Variants in URI1 observed in about 807,000 individuals in gnomAD.
The protein encoded by URI1 is URI1 prefoldin like chaperone.
URI1 carries 39 observed loss-of-function variants against 60.2 expected under a neutral mutation model. That is an observed-to-expected ratio of 0.65 (90% CI 0.50 to 0.85). URI1 has a LOEUF of 0.85. URI1 is among the 40% of genes least tolerant of loss of function. The probability of loss-of-function intolerance (pLI) is 0.00; values close to 1 mark genes in which losing one functional copy is unlikely to be tolerated. For synonymous variants in URI1, 251 were observed against 236.8 expected (o/e 1.06, Z -0.55); for missense variants, 691 against 665.9 (o/e 1.04, Z -0.42).
Position 29,985,310 on chromosome 19 carries a change from G to A in URI1, c.231+9G>A. The A allele has an allele frequency of 6.2e-7, 1 of 1,601,692 alleles. No homozygotes were observed. On this transcript the variant is annotated intron_variant, in intron 3 of 10. Coordinates refer to ENST00000392271, the MANE Select transcript of URI1 (RefSeq NM_003796.3). Reference sequence around the variant, plus strand: ...TGTCTTATAATATAATGGTATGTTTGGTGTGTTTCTTTTAAAGTAATAGTT... The same window carrying A: ...TGTCTTATAATATAATGGTATGTTTAGTGTGTTTCTTTTAAAGTAATAGTT...
At chr19:29,979,778 A>AAT (rs558579940) in intron 2 of URI1, among the ~76,000 whole-genome samples, 85 of 152,304 alleles carry the variant, frequency 5.6e-4, no homozygotes, top group African/African-American at 1.8e-3. Context: ...TCCTTGGTAT[A>AAT]ATAGAGTTAT....
chr19:29,929,184 T>C (rs2054894998), intron 1 of URI1, among the ~76,000 whole-genome samples: 1 of 152,216 alleles, frequency 6.6e-6, no homozygotes, highest in South Asian at 2.1e-4. Context: ...ATGTTTGACT[T>C]TGTAAGAAAC....
intron 1 of URI1, chr19:29,956,985 T>C: frequency 1.2e-6 from 1 of 813,438 alleles, no homozygotes; most frequent in Non-Finnish European, 2.1e-6. Flanking sequence ...AGAATGGTCT[T>C]CATTCTCACA....
upstream of URI1, among the ~76,000 whole-genome samples, chr19:29,940,257 C>T (rs1480746185): frequency 1.3e-5 from 2 of 151,942 alleles, no homozygotes; most frequent in East Asian, 1.9e-4. Context: ...TCTAGGTGGT[C>T]TGGGGGGCTG....
chr19:29,951,768 G>A (rs553916189), intron 1 of URI1, among the ~76,000 whole-genome samples: 1 of 151,928 alleles, frequency 6.6e-6, no homozygotes, highest in South Asian at 2.1e-4. Flanking sequence ...GGCTGGTCTC[G>A]ATCTCCTGAC....
intron 2 of URI1, among the ~76,000 whole-genome samples, chr19:29,980,963 C>T (rs985181953): frequency 1.3e-4 from 19 of 148,008 alleles, no homozygotes; most frequent in African/African-American, 4.7e-4. Flanking sequence ...TTAGTATTTG[C>T]TGTCTATTTT....
intron 8 of URI1, among the ~76,000 whole-genome samples, chr19:30,010,809 T>C (rs902646500): frequency 6.6e-6 from 1 of 152,202 alleles, no homozygotes; most frequent in African/African-American, 2.4e-5. Context: ...ATGGGAAGTT[T>C]ATAAGAAATC....
chr19:29,929,954 T>C (rs1416840366), intron 1 of URI1, among the ~76,000 whole-genome samples: 1 of 151,834 alleles, frequency 6.6e-6, no homozygotes, highest in Non-Finnish European at 1.5e-5. Context: ...TTTTTTTTTT[T>C]TTTGAGACTG....
intron 1 of URI1, among the ~76,000 whole-genome samples, chr19:29,932,369 T>G (rs1227548506): frequency 6.6e-6 from 1 of 152,132 alleles, no homozygotes; most frequent in East Asian, 1.9e-4. Context: ...CAGGCTGGAG[T>G]GCAGTGGTGT....
At chr19:29,977,141 T>C (rs1379985003) in intron 2 of URI1, among the ~76,000 whole-genome samples, 1 of 151,988 alleles carries the variant, frequency 6.6e-6, no homozygotes, top group Non-Finnish European at 1.5e-5. Flanking sequence ...TCTCTCTTTT[T>C]TTTTTTTCCT....
chr19:29,973,365 A>G (rs531867690), intron 2 of URI1, among the ~76,000 whole-genome samples: 1 of 152,306 alleles, frequency 6.6e-6, no homozygotes, highest in East Asian at 1.9e-4. Context: ...GGTGTCTCAC[A>G]CACTACTTTT....
chr19:30,016,471 G>A lies in URI1; in HGVS notation c.*1402G>A, dbSNP rs187733084. 7.9e-5 allele frequency: 12 copies of A among 152,218 alleles called. No individual in the cohort carries two copies. Among genetic ancestry groups the A allele is most frequent in the African/African-American group, 1.9e-4 (8 of 41,564 alleles). 9.4% of individuals were successfully genotyped at this position (152,218 alleles called of 1,614,324 possible). A position where few individuals can be genotyped will look rare whatever the true frequency, so the allele number is the denominator to read the frequency against. ...AAATTACACACACAAAGATGCTCCC[G>A]TTAGGAATTGCTATTCACATGAGGC... On this transcript the variant is annotated 3_prime_UTR_variant, in exon 11 of 11. Coordinates refer to ENST00000392271, the MANE Select transcript of URI1 (RefSeq NM_003796.3).
upstream of URI1, chr19:29,937,986 GC>G (rs1245298470): frequency 6.6e-6 from 1 of 152,110 alleles, no homozygotes; most frequent in African/African-American, 2.4e-5. Flanking sequence ...AACTCCCCTG[GC>G]TGTTTATTCA....
chr19:29,936,279 T>C (rs1390673703), intron 1 of URI1, among the ~76,000 whole-genome samples: 1 of 152,044 alleles, frequency 6.6e-6, no homozygotes, highest in East Asian at 1.9e-4. Context: ...AATTTTTGTA[T>C]TTTTAGTAGA....
chr19:29,925,797 A>G (rs1311420706), intron 1 of URI1: 3 of 152,230 alleles, frequency 2.0e-5, no homozygotes, highest in Non-Finnish European at 4.4e-5. Flanking sequence ...GGGATGGTCC[A>G]CACTTTCATT....
chr19:30,004,685 T>C (rs1252638782), intron 4 of URI1: 1 of 152,050 alleles, frequency 6.6e-6, no homozygotes. Flanking sequence ...GATGGTGCCA[T>C]TTACTGCTTA....
At chr19:29,927,325 G>A (rs1030160854) in intron 1 of URI1, among the ~76,000 whole-genome samples, 2 of 148,354 alleles carry the variant, frequency 1.3e-5, no homozygotes, top group South Asian at 2.1e-4. Flanking sequence ...GTGCAGTGGT[G>A]CAATCTCGGC....
In URI1 at chr19:30,015,195, C is replaced by A. The variant is rs1232754205; in HGVS notation, c.*126C>A. ...TCCTGAGTTACTTTGGCAACAAGTT[C>A]TTTTACCCTTACCCGTGGTATTTGA... is the stretch of plus-strand genomic sequence containing the variant. On this transcript the variant is annotated 3_prime_UTR_variant, in exon 11 of 11. Transcript: ENST00000392271. 1.4e-6 allele frequency: 2 copies of A among 1,443,698 alleles called. No homozygotes were observed. The highest frequency in any genetic ancestry group is 9.1e-7 in the Non-Finnish European group (1 of 1,101,000). 89.4% of individuals were successfully genotyped at this position (1,443,698 alleles called of 1,614,324 possible).
chr19:29,991,802 A>AT (rs1009811170), intron 4 of URI1, among the ~76,000 whole-genome samples: 10 of 152,226 alleles, frequency 6.6e-5, no homozygotes, highest in East Asian at 5.8e-4. Flanking sequence ...TAATTTGCGG[A>AT]TTTTTTAAAT....
Sources: gnomAD v4.1 joint callset for allele counts (sites outside exome capture counted in the v4.1 genomes callset) on GRCh38, gnomAD v4.1.1 for gene constraint, MANE v1.5 for transcripts, NCBI Gene and HGNC (gene_info 2026-07-23, HGNC 2026-07-21) for gene names.